The following ABLIM3 variants were observed in gnomAD, a reference collection of about 807,000 sequenced individuals.
ABLIM3 encodes actin-binding LIM protein 3.
A neutral mutation model predicts 109.5 loss-of-function variants in ABLIM3; 61 were observed. That is an observed-to-expected ratio of 0.56 (90% CI 0.45 to 0.69). The LOEUF (loss-of-function observed/expected upper bound fraction) is 0.69, where lower values mean the gene tolerates loss of function less well. Among genes scored for constraint, ABLIM3 ranks in the 30% least tolerant of loss-of-function variants. ABLIM3 has a pLI of 0.00. For missense variants in ABLIM3, 796 were observed against 889.5 expected (o/e 0.89, Z 1.34); for synonymous variants, 300 against 324.8 (o/e 0.92, Z 0.82).
At chr5:149,185,081 T>A (rs186319178) in intron 3 of ABLIM3, among the ~76,000 whole-genome samples, 152 of 152,310 alleles carry the variant, frequency 1.0e-3, no homozygotes, top group African/African-American at 3.5e-3. Flanking sequence ...GTAAAGGATA[T>A]AATTATGTGA....
intron 4 of ABLIM3, among the ~76,000 whole-genome samples, chr5:149,199,653 A>G (rs947603325): frequency 1.3e-5 from 2 of 152,354 alleles, no homozygotes; most frequent in Admixed American, 6.5e-5. Flanking sequence ...TACAAGGGCA[A>G]TGGAGCCCCT....
At chr5:149,242,094 T>C (rs1752911698) in intron 14 of ABLIM3, among the ~76,000 whole-genome samples, 1 of 151,570 alleles carries the variant, frequency 6.6e-6, no homozygotes, top group African/African-American at 2.4e-5. Flanking sequence ...GGGAGGGAGG[T>C]AAGCTGAAAT....
In ABLIM3 at chr5:149,251,396, A is replaced by G. The variant is rs767124367; in HGVS notation, c.1826A>G (p.Asn609Ser). ...GACCTCTTCCACTACGACAGCATGAACGCAGTCAACTGGGGCATGCGAGGT... is the reference window on the plus strand; with the variant it reads ...GACCTCTTCCACTACGACAGCATGAGCGCAGTCAACTGGGGCATGCGAGGT... Reference protein sequence around the residue: ...SADLFHYDSMNAVNWGMREYK... With the variant: ...SADLFHYDSMSAVNWGMREYK... Residue 609 changes from asparagine (N) to serine (S), a missense_variant, in exon 21 of 24, where the codon AAC becomes AGC. Transcript: ENST00000309868. 1 of 1,614,130 alleles carries G rather than the reference A, an allele frequency of 6.2e-7. No individual in the cohort carries two copies. The highest frequency in any genetic ancestry group is 8.5e-7 in the Non-Finnish European group (1 of 1,180,018).
At chr5:149,200,517 CT>C (rs1758394677) in intron 5 of ABLIM3, 89 bp downstream of exon 5, 2 of 1,396,922 alleles carry the variant, frequency 1.4e-6, no homozygotes, top group South Asian at 2.4e-5. Flanking sequence ...TCCCACGGGC[CT>C]GGAGGGAAGT....
chr5:149,154,507 C>T (rs75910017), intron 2 of ABLIM3, among the ~76,000 whole-genome samples: 3,639 of 152,306 alleles, frequency 0.024, 75 homozygotes, highest in Non-Finnish European at 0.031. Flanking sequence ...GTTTTCTCCT[C>T]CTCCTCCTAA....
rs1446701781 is a variant in ABLIM3, at chr5:149,198,827, T to A, written c.335+425T>A. Reference sequence around the variant, plus strand: ...CCTCCATCATCCTGGCACCACCTCATGCTGTTGGAGTGACCCTGGCAAGTG... The same window carrying A: ...CCTCCATCATCCTGGCACCACCTCAAGCTGTTGGAGTGACCCTGGCAAGTG... On this transcript the variant is annotated intron_variant, in intron 4 of 23. Transcript: ENST00000309868. The surrounding 1 kb of genome is among the most constrained non-coding windows in gnomAD (Gnocchi z 4.2). Among the ~76,000 whole-genome samples, 2 of 152,188 alleles carry A rather than the reference T, an allele frequency of 1.3e-5. No homozygotes were observed. The highest frequency in any genetic ancestry group is 2.9e-5 in the Non-Finnish European group (2 of 68,014).
chr5:149,177,158 G>A (rs1756011310), intron 2 of ABLIM3: 1 of 152,242 alleles, frequency 6.6e-6, no homozygotes, highest in Admixed American at 6.5e-5. Flanking sequence ...ATGGTGAACT[G>A]GAAAGACATG....
At chr5:149,239,635 T>C in intron 12 of ABLIM3, 124 bp from the exon 13 acceptor site, 1 of 1,351,290 alleles carries the variant, frequency 7.4e-7, no homozygotes, top group Non-Finnish European at 1.0e-6. Flanking sequence ...GAGGGGGGTC[T>C]CTGTATTCAC....
intron 8 of ABLIM3, among the ~76,000 whole-genome samples, chr5:149,222,467 A>G (rs553349999): frequency 1.3e-5 from 2 of 152,192 alleles, no homozygotes; most frequent in South Asian, 4.1e-4. Context: ...TAAATTTTGC[A>G]TGCTAGGTGT....
At position 149,259,072 on chromosome 5, in the gene ABLIM3, T is replaced by TAA; in HGVS notation, c.*669_*670insAA. The TAA allele has an allele frequency of 9.9e-7, 1 of 1,006,840 alleles. No homozygotes were observed. The highest frequency in any genetic ancestry group is 1.2e-6 in the Non-Finnish European group (1 of 842,854). The allele number at this position is 1,006,840 out of a possible 1,614,324, so 62.4% of individuals were successfully genotyped here. ...CCTTGTCCAAATCTAGGATTCCTGG[T>TAA]AGGAAAAGGAAAAGGCCCTTCCCTT... On this transcript the variant is annotated 3_prime_UTR_variant, in exon 24 of 24. Coordinates refer to ENST00000309868, the MANE Select transcript of ABLIM3 (RefSeq NM_014945.5).
intron 2 of ABLIM3, among the ~76,000 whole-genome samples, chr5:149,182,821 A>T (rs1011892793): frequency 2.6e-5 from 4 of 152,116 alleles, no homozygotes; most frequent in African/African-American, 4.8e-5. Flanking sequence ...TACATGTAAC[A>T]TTTTCCCAGT....
chr5:149,184,588 G>A (rs145677390), intron 3 of ABLIM3, among the ~76,000 whole-genome samples: 2 of 152,168 alleles, frequency 1.3e-5, no homozygotes, highest in Non-Finnish European at 2.9e-5. Flanking sequence ...TGTCACTGTC[G>A]TTCTTAAAGT....
At chr5:149,223,356 G>T (rs1297934138) in intron 8 of ABLIM3, among the ~76,000 whole-genome samples, 1 of 152,136 alleles carries the variant, frequency 6.6e-6, no homozygotes, top group Admixed American at 6.5e-5. Flanking sequence ...CAATTTCCCG[G>T]CTTACTTCCT....
chr5:149,148,341 A>T (rs1753114719), intron 2 of ABLIM3, among the ~76,000 whole-genome samples: 1 of 152,172 alleles, frequency 6.6e-6, no homozygotes, highest in Non-Finnish European at 1.5e-5. Flanking sequence ...GACACCAAAC[A>T]TGTGAGCAGG....
chr5:149,234,522 A>T (rs550463933), intron 10 of ABLIM3, among the ~76,000 whole-genome samples: 2 of 152,310 alleles, frequency 1.3e-5, no homozygotes, highest in African/African-American at 4.8e-5. Flanking sequence ...ATGCCCATTG[A>T]TGGGACTATG....
At chr5:149,255,913 C>T (rs1421704370) in intron 23 of ABLIM3, among the ~76,000 whole-genome samples, 1 of 152,188 alleles carries the variant, frequency 6.6e-6, no homozygotes, top group Non-Finnish European at 1.5e-5. Flanking sequence ...TGCTCATTCA[C>T]CCTCATGGTA....
Position 149,173,705 on chromosome 5 carries a change from T to C in ABLIM3, c.14-9747T>C, listed in dbSNP as rs757453424. On this transcript the variant is annotated intron_variant, in intron 2 of 23. Coordinates refer to ENST00000309868, the MANE Select transcript of ABLIM3 (RefSeq NM_014945.5). ...GTGCCTGGCAGTACAGGAGAGAAGC[T>C]GGCCAGGGGTAAGGCAAAAACAAGA... Among the ~76,000 whole-genome samples, 21 of 152,180 alleles carry C rather than the reference T, an allele frequency of 1.4e-4. 1 individual carries two copies. Among genetic ancestry groups the C allele is most frequent in the Admixed American group, 6.5e-4 (10 of 15,292 alleles).
In ABLIM3 at chr5:149,230,653, C is replaced by T. The variant is rs147385692; in HGVS notation, c.762C>T (p.Ser254=). 9.4e-5 allele frequency: 151 copies of T among 1,613,876 alleles called. No homozygotes were observed. The highest frequency in any genetic ancestry group is 4.4e-4 in the African/African-American group (33 of 74,960). The change falls in exon 9 of 24, where the codon TCC becomes TCT. Residue 254 remains serine, a synonymous_variant. Coordinates refer to ENST00000309868, the MANE Select transcript of ABLIM3 (RefSeq NM_014945.5). ...GTTATTTTCATGACCCCTTAGGTTC[C>T]GAGGTTTGGCACCCCATCTGCAAAC... ...TEGEEMYLTG[S]EVWHPICKQA...
intron 3 of ABLIM3, among the ~76,000 whole-genome samples, chr5:149,184,241 G>A (rs573753100): frequency 2.0e-5 from 3 of 152,214 alleles, no homozygotes; most frequent in East Asian, 1.9e-4. Context: ...CCTCTGGCCC[G>A]GGGCAACACA....
Sources: allele counts gnomAD v4.1 joint callset (sites outside exome capture counted in the v4.1 genomes callset), GRCh38; gene constraint gnomAD v4.1.1; non-coding constraint Gnocchi (gnomAD v3.1); transcripts MANE v1.5; gene names NCBI Gene and HGNC (gene_info 2026-07-23, HGNC 2026-07-21).